AURKAIP1: variants seen among roughly 807,000 people sequenced by gnomAD.
The protein encoded by AURKAIP1 is small ribosomal subunit protein bS22, mitochondrial.
A neutral mutation model predicts 18.4 loss-of-function variants in AURKAIP1; 20 were observed. The observed-to-expected ratio is 1.09, with a 90% CI of 0.77 to 1.58. The LOEUF (loss-of-function observed/expected upper bound fraction) is 1.58. AURKAIP1 is among the 40% of genes most tolerant of loss of function. AURKAIP1 has a pLI of 0.00. For missense variants in AURKAIP1, 319 were observed against 270.7 expected (o/e 1.18, Z -1.25); for synonymous variants, 156 against 120.8 (o/e 1.29, Z -1.91).
Position 1,374,049 on chromosome 1 carries a change from G to C in AURKAIP1, c.449C>G (p.Thr150Arg), listed in dbSNP as rs770201120. ...HHKYRKLVKKTRFLRRKVQEG... is the reference protein window; with the variant it reads ...HHKYRKLVKKRRFLRRKVQEG... ...CTGGACCTTCCTCCGCAGGAACCGC[G>C]TCTTCTTCACCAGCTTCCGGTACTT... is the stretch of plus-strand genomic sequence containing the variant. Residue 150 changes from threonine (T) to arginine (R), a missense_variant, in exon 3 of 4, where the codon ACG becomes AGG. Coordinates refer to ENST00000338338, the MANE Select transcript of AURKAIP1 (RefSeq NM_017900.3). 3 of 1,607,528 alleles carry C rather than the reference G, an allele frequency of 1.9e-6. No homozygotes were observed. The highest frequency in any genetic ancestry group is 8.5e-7 in the Non-Finnish European group (1 of 1,176,264).
chr1:1,374,175 A>G lies in AURKAIP1; in HGVS notation c.323T>C (p.Ile108Thr), dbSNP rs1269566776. Residue 108 changes from isoleucine (I) to threonine (T), a missense_variant, in exon 3 of 4, where the codon ATA becomes ACA. Coordinates refer to ENST00000338338, the MANE Select transcript of AURKAIP1 (RefSeq NM_017900.3). ...ATCCCCCTGCTCGGCCCCTTCCCCTATCTGGCTGGGCGGACACTGGTAGGA... is the reference window on the plus strand; with the variant it reads ...ATCCCCCTGCTCGGCCCCTTCCCCTGTCTGGCTGGGCGGACACTGGTAGGA... ...PQSYQCPPSQ[I>T]GEGAEQGDEG... 2 of 1,613,752 alleles carry G rather than the reference A, an allele frequency of 1.2e-6. No homozygotes were observed. Among genetic ancestry groups the G allele is most frequent in the Non-Finnish European group, 1.7e-6 (2 of 1,179,998 alleles).
rs767260581 is a variant in AURKAIP1 at position 1,374,269 on chromosome 1, A to C, written c.229T>G (p.Trp77Gly). 2 of 1,605,262 alleles carry C rather than the reference A, an allele frequency of 1.2e-6. No individual in the cohort carries two copies. The highest frequency in any genetic ancestry group is 8.5e-7 in the Non-Finnish European group (1 of 1,177,272). The change falls in exon 3 of 4, where the codon TGG becomes GGG. Residue 77 changes from tryptophan to glycine, a missense_variant. Physicochemically the swap from Trp to Gly is radical, Grantham distance 184 (BLOSUM62 -2). Coordinates refer to ENST00000338338, the MANE Select transcript of AURKAIP1 (RefSeq NM_017900.3). Reference protein sequence around the residue: ...RKMSVSPLESWLTARCFLPRL... With the variant: ...RKMSVSPLESGLTARCFLPRL... ...GGCAGGAAGCAGCGGGCCGTGAGCC[A>C]GCTCTCCAGGGGGCTGACGGACATC...
chr1:1,373,744 C>T lies in AURKAIP1; in HGVS notation c.*57G>A. ...AGACCCGCAGGAAAGGCTGAGTCCT[C>T]TGAGAATTTATTACTACGGATCACA... On this transcript the variant is annotated 3_prime_UTR_variant, in exon 4 of 4. Coordinates refer to ENST00000338338, the MANE Select transcript of AURKAIP1 (RefSeq NM_017900.3). 6.7e-7 allele frequency: 1 copy of T among 1,495,464 alleles called. No homozygotes were observed. Among genetic ancestry groups the T allele is most frequent in the Non-Finnish European group, 9.1e-7 (1 of 1,103,434 alleles). The allele number at this position is 1,495,464 out of a possible 1,614,324, so 92.6% of individuals were successfully genotyped here. A position where few individuals can be genotyped will look rare whatever the true frequency, so the allele number is the denominator to read the frequency against.
In AURKAIP1 at chr1:1,374,289, G is replaced by A; in HGVS notation, c.209C>T (p.Ser70Phe). The A allele has an allele frequency of 1.3e-6, 2 of 1,593,098 alleles. No homozygotes were observed. Among genetic ancestry groups the A allele is most frequent in the South Asian group, 1.1e-5 (1 of 90,532 alleles). ...GAGCCAGCTCTCCAGGGGGCTGACGGACATCTTCCTGGGGACCAGCATCTC... is the reference window on the plus strand; with the variant it reads ...GAGCCAGCTCTCCAGGGGGCTGACGAACATCTTCCTGGGGACCAGCATCTC... ...LEEMLVPRKM[S>F]VSPLESWLTA... The change falls in exon 3 of 4, where the codon TCC becomes TTC. Residue 70 changes from serine (S) to phenylalanine (F), a missense_variant. Ser to Phe is a radical substitution (Grantham distance 155). Transcript: ENST00000338338.
Position 1,374,283 on chromosome 1 carries a change from C to T in AURKAIP1, c.215G>A (p.Ser72Asn). ...GGCCGTGAGCCAGCTCTCCAGGGGG[C>T]TGACGGACATCTTCCTGGGGACCAG... ...EMLVPRKMSV[S>N]PLESWLTARC... The change falls in exon 3 of 4, where the codon AGC becomes AAC. Residue 72 changes from serine (S) to asparagine (N), a missense_variant. Physicochemically the swap from Ser to Asn is conservative, Grantham distance 46 (BLOSUM62 1). Coordinates refer to ENST00000338338, the MANE Select transcript of AURKAIP1 (RefSeq NM_017900.3). 4 of 1,594,922 alleles carry T rather than the reference C, an allele frequency of 2.5e-6. No individual in the cohort carries two copies. The highest frequency in any genetic ancestry group is 3.4e-6 in the Non-Finnish European group (4 of 1,171,368).
Position 1,374,004 on chromosome 1 carries a change from T to C in AURKAIP1, c.494A>G (p.Lys165Arg), listed in dbSNP as rs753684263. ...GCCAAGCAGGGGGCCACTCACCTGC[T>C]TGCGTCTCAGGCGTCCCTCCTGGAC... ...RKVQEGRLRR[K>R]QIKFEKDLRR... Residue 165 changes from lysine (K) to arginine (R), a missense_variant, in exon 3 of 4, where the codon AAG becomes AGG. Transcript: ENST00000338338. The C allele has an allele frequency of 1.9e-6, 3 of 1,608,554 alleles. No individual in the cohort carries two copies. The highest frequency in any genetic ancestry group is 4.5e-5 in the East Asian group (2 of 44,864).
rs1644326398 is a variant in AURKAIP1, at chr1:1,374,351, G to A, written c.147C>T (p.Ala49=). 1 of 1,546,348 alleles carries A rather than the reference G, an allele frequency of 6.5e-7. No individual in the cohort carries two copies. Among genetic ancestry groups the A allele is most frequent in the Non-Finnish European group, 8.7e-7 (1 of 1,149,922 alleles). The change falls in exon 3 of 4, where the codon GCC becomes GCT. Residue 49 remains alanine (A), a synonymous_variant. Transcript: ENST00000338338. ...GCTGGGCCCCCTTGCGAGGGAGAGA[G>A]GCCGCCCTACCTGGGCCGGCCGGCG... ...STSPAGPGRA[A]SLPRKGAQLE...
Position 1,374,743 on chromosome 1 carries a change from C to T in AURKAIP1, c.14G>A (p.Arg5His). MLLG[R>H]LTSQLLRAVP... Reference sequence around the variant, plus strand: ...GGCCCTCAACAGCTGGGAAGTCAGGCGCCCCAGGAGCATGGTCTGTGGGCG... The same window carrying T: ...GGCCCTCAACAGCTGGGAAGTCAGGTGCCCCAGGAGCATGGTCTGTGGGCG... The change falls in exon 2 of 4, where the codon CGC becomes CAC. Residue 5 changes from arginine (R) to histidine (H), a missense_variant. Arg to His is a conservative substitution (Grantham distance 29). Transcript: ENST00000338338. 1 of 1,560,282 alleles carries T rather than the reference C, an allele frequency of 6.4e-7. No homozygotes were observed. Among genetic ancestry groups the T allele is most frequent in the South Asian group, 1.2e-5 (1 of 84,750 alleles).
intron 2 of AURKAIP1, 49 bp downstream of exon 2, chr1:1,374,656 C>A: frequency 3.2e-6 from 5 of 1,543,578 alleles, no homozygotes; most frequent in Non-Finnish European, 4.4e-6. Flanking sequence ...GAGACCCGCA[C>A]TCCTAACCAG....
Position 1,374,258 on chromosome 1 carries a change from G to A in AURKAIP1, c.240C>T (p.Ala80=), listed in dbSNP as rs947760709. 6.8e-6 allele frequency: 11 copies of A among 1,607,648 alleles called. No homozygotes were observed. In the South Asian group the frequency reaches 7.7e-5, roughly 11 times the overall value. ...SVSPLESWLT[A]RCFLPRLDTG... ...TATCCAGTCTGGGCAGGAAGCAGCG[G>A]GCCGTGAGCCAGCTCTCCAGGGGGC... The change falls in exon 3 of 4, where the codon GCC becomes GCT. Residue 80 remains alanine, a synonymous_variant. Coordinates refer to ENST00000338338, the MANE Select transcript of AURKAIP1 (RefSeq NM_017900.3).
Position 1,374,713 on chromosome 1 carries a change from G to A in AURKAIP1, c.44C>T (p.Pro15Leu), listed in dbSNP as rs768010516. Residue 15 changes from proline (P) to leucine (L), a missense_variant, in exon 2 of 4, where the codon CCT becomes CTT. By Grantham distance (98) the Pro-to-Leu change is moderately conservative. Coordinates refer to ENST00000338338, the MANE Select transcript of AURKAIP1 (RefSeq NM_017900.3). The part of the protein sequence containing the change: ...RLTSQLLRAV[P>L]WAGGRPPWPV... ...CCCGCGCGGCTTCCTACCTGCCCAAGGAACGGCCCTCAACAGCTGGGAAGT... is the reference window on the plus strand; with the variant it reads ...CCCGCGCGGCTTCCTACCTGCCCAAAGAACGGCCCTCAACAGCTGGGAAGT... The A allele has an allele frequency of 2.6e-6, 4 of 1,560,728 alleles. No individual in the cohort carries two copies. In the Admixed American group the frequency reaches 5.7e-5, roughly 22 times the overall value.
Position 1,374,432 on chromosome 1 carries a change from A to G in AURKAIP1, c.66T>C (p.Pro22=), listed in dbSNP as rs1644327621. 6.9e-7 allele frequency: 1 copy of G among 1,450,386 alleles called. No individual in the cohort carries two copies. The allele number at this position is 1,450,386 out of a possible 1,614,324, so 89.8% of individuals were successfully genotyped here. ...TGCCCAGCACTCCAGAGACGGGCCAAGGCGGGCGGCCGCCTGCAGAAAACC... is the reference window on the plus strand; with the variant it reads ...TGCCCAGCACTCCAGAGACGGGCCAGGGCGGGCGGCCGCCTGCAGAAAACC... ...RAVPWAGGRP[P]WPVSGVLGSR... Residue 22 remains proline, a synonymous_variant, in exon 3 of 4, where the codon CCT becomes CCC. Coordinates refer to ENST00000338338, the MANE Select transcript of AURKAIP1 (RefSeq NM_017900.3).
At position 1,373,800 on chromosome 1, in the gene AURKAIP1, C is replaced by T. The variant is rs780870613; in HGVS notation, c.*1G>A. The stretch of plus-strand genomic sequence containing the variant: ...AACGGGCGGGAAGGGCGGCGCCAGA[C>T]TCATTTGCCCCGCAGGTAGATCTTG... On this transcript the variant is annotated 3_prime_UTR_variant, in exon 4 of 4. Transcript: ENST00000338338. 17 of 1,597,692 alleles carry T rather than the reference C, an allele frequency of 1.1e-5. No homozygotes were observed. The highest frequency in any genetic ancestry group is 1.3e-5 in the African/African-American group (1 of 74,868).
intron 2 of AURKAIP1, 125 bp downstream of exon 2, chr1:1,374,580 A>G: frequency 7.2e-7 from 1 of 1,381,436 alleles, no homozygotes; most frequent in Non-Finnish European, 1.0e-6. Context: ...TCCCTCTGTG[A>G]GCATCGGAAG....
At chr1:1,374,484 C>T (rs1046861150) in intron 2 of AURKAIP1, 39 bp from the exon 3 acceptor site, 27 of 1,429,740 alleles carry the variant, frequency 1.9e-5, no homozygotes, top group Non-Finnish European at 2.4e-5. Context: ...GCTCGCGAGA[C>T]CACACAGGCC....
At chr1:1,373,970 C>A in intron 3 of AURKAIP1, 30 bp downstream of exon 3, 1 of 1,608,598 alleles carries the variant, frequency 6.2e-7, no homozygotes, top group Non-Finnish European at 8.5e-7. Flanking sequence ...AGCACTTTGC[C>A]CTCCCAGGGC....
rs765532902 is a variant in AURKAIP1, at chr1:1,373,830, TC to T, written c.570del (p.Thr191ProfsTer24). On this transcript the variant is annotated frameshift_variant, in exon 4 of 4. Coordinates refer to ENST00000338338, the MANE Select transcript of AURKAIP1 (RefSeq NM_017900.3). LOFTEE classifies it high-confidence loss of function. ...TTGCCCCGCAGGTAGATCTTGGGGG[TC>T]TGCCAGCCTTCGGGGGCTTCCTTTA... ...AGLKEAPEGW[Q>X]TPKIYLRGK is the part of the protein sequence containing the mutation. 6.2e-7 allele frequency: 1 copy of T among 1,602,362 alleles called. No individual in the cohort carries two copies. Among genetic ancestry groups the T allele is most frequent in the South Asian group, 1.1e-5 (1 of 91,020 alleles).
chr1:1,374,786 G>T lies in AURKAIP1; in HGVS notation c.-30C>A, dbSNP rs920379436. On this transcript the variant is annotated 5_prime_UTR_variant, in exon 2 of 4. Coordinates refer to ENST00000338338, the MANE Select transcript of AURKAIP1 (RefSeq NM_017900.3). ...TGTGGGCGGCGGCCACAGGTCCCAGGGGAGCTGGAACACAAGTGCCCGTTC... is the reference window on the plus strand; with the variant it reads ...TGTGGGCGGCGGCCACAGGTCCCAGTGGAGCTGGAACACAAGTGCCCGTTC... 3 of 1,549,306 alleles carry T rather than the reference G, an allele frequency of 1.9e-6. No individual in the cohort carries two copies. The highest frequency in any genetic ancestry group is 1.8e-4 in the Middle Eastern group (1 of 5,632).
chr1:1,373,992 C>A lies in AURKAIP1; in HGVS notation c.498+8G>T. 1 of 1,608,378 alleles carries A rather than the reference C, an allele frequency of 6.2e-7. No homozygotes were observed. ...TGCCCTCCCAGGGCCAAGCAGGGGGCCACTCACCTGCTTGCGTCTCAGGCG... is the reference window on the plus strand; with the variant it reads ...TGCCCTCCCAGGGCCAAGCAGGGGGACACTCACCTGCTTGCGTCTCAGGCG... On this transcript the variant is annotated splice_region_variant and intron_variant, in intron 3 of 3. Coordinates refer to ENST00000338338, the MANE Select transcript of AURKAIP1 (RefSeq NM_017900.3).
Sources: gnomAD v4.1 joint callset for allele counts on GRCh38, gnomAD v4.1.1 for gene constraint, MANE v1.5 for transcripts, NCBI Gene and HGNC (gene_info 2026-07-23, HGNC 2026-07-21) for gene names.